Variants in CDKL5 observed in about 807,000 individuals in gnomAD.
The protein encoded by CDKL5 is cyclin dependent kinase like 5.
CDKL5 carries 8 observed loss-of-function variants against 61.7 expected under a neutral mutation model. That is an observed-to-expected ratio of 0.13 (90% CI 0.08 to 0.23). CDKL5 has a LOEUF of 0.23. CDKL5 is among the 10% of genes least tolerant of loss of function. The pLI is 1.00. For synonymous variants in CDKL5, 275 were observed against 272.3 expected (o/e 1.01, Z -0.10); for missense variants, 440 against 734.5 (o/e 0.60, Z 4.63).
At chrX:18,474,144 G>A (rs1026600314) in intron 1 of CDKL5, among the ~76,000 whole-genome samples, 1 of 111,160 alleles carries the variant, frequency 9.0e-6, no homozygotes, top group Admixed American at 9.6e-5. Context: ...AGGATGACAG[G>A]CCTGAGCCAC....
chrX:18,431,255 AAACTT>A (rs1401882528), intron 1 of CDKL5, among the ~76,000 whole-genome samples: 1 of 111,640 alleles, frequency 9.0e-6, no homozygotes, highest in East Asian at 2.8e-4. Flanking sequence ...GGAAAAAAGA[AAACTT>A]AACATCTTTT....
chrX:18,495,261 G>A (rs1922128550), intron 1 of CDKL5, among the ~76,000 whole-genome samples: 1 of 112,230 alleles, frequency 8.9e-6, no homozygotes, highest in Non-Finnish European at 1.9e-5. Context: ...GAAAAGACCC[G>A]TTGAGATGAA....
chrX:18,594,292 A>T (rs1352924526), intron 9 of CDKL5, among the ~76,000 whole-genome samples: 1 of 112,176 alleles, frequency 8.9e-6, no homozygotes, highest in East Asian at 2.8e-4. Flanking sequence ...CAATACTTTA[A>T]CATCCACTAG....
At chrX:18,497,911 A>G (rs1292757352) in intron 1 of CDKL5, among the ~76,000 whole-genome samples, 2 of 107,807 alleles carry the variant, frequency 1.9e-5, no homozygotes, top group Non-Finnish European at 3.8e-5. Context: ...GTGATCACCT[A>G]GGCTCAAGGA....
intron 5 of CDKL5, among the ~76,000 whole-genome samples, chrX:18,577,407 G>A (rs1047553778): frequency 1.8e-4 from 20 of 111,962 alleles, no homozygotes; most frequent in African/African-American, 5.2e-4. Context: ...GTGGCAGTGC[G>A]TCATAATTGA....
At chrX:18,577,836 T>G (rs1925349967) in intron 5 of CDKL5, among the ~76,000 whole-genome samples, 1 of 112,476 alleles carries the variant, frequency 8.9e-6, no homozygotes, top group Admixed American at 9.4e-5. Flanking sequence ...TTACAAAGCC[T>G]TCTTATTCCA....
At chrX:18,567,885 C>CA (rs1925020062) in intron 4 of CDKL5, among the ~76,000 whole-genome samples, 1 of 110,647 alleles carries the variant, frequency 9.0e-6, no homozygotes, top group Admixed American at 9.6e-5. Context: ...ACTCTGTCTC[C>CA]AAAAAAAGGC....
chrX:18,552,316 T>C (rs936273300), intron 3 of CDKL5, among the ~76,000 whole-genome samples: 3 of 110,665 alleles, frequency 2.7e-5, no homozygotes, highest in Non-Finnish European at 5.7e-5. Context: ...TCTTGGCTGG[T>C]TGGTTTTTCC....
At chrX:18,581,534 A>G (rs1925481198) in intron 6 of CDKL5, among the ~76,000 whole-genome samples, 1 of 111,878 alleles carries the variant, frequency 8.9e-6, no homozygotes, top group Non-Finnish European at 1.9e-5. Context: ...AACATTTTAT[A>G]TTTCTATCTC....
At chrX:18,479,945 A>G (rs1217713992) in intron 1 of CDKL5, among the ~76,000 whole-genome samples, 1 of 112,115 alleles carries the variant, frequency 8.9e-6, no homozygotes, top group African/African-American at 3.2e-5. Flanking sequence ...TTACAGAAAC[A>G]TTGCAAAGAT....
At chrX:18,475,997 G>A (rs1921295242) in intron 1 of CDKL5, among the ~76,000 whole-genome samples, 1 of 111,601 alleles carries the variant, frequency 9.0e-6, no homozygotes, top group African/African-American at 3.2e-5. Context: ...ATATTGATCA[G>A]ACCTTGAAAT....
At chrX:18,584,126 TAATA>T in intron 7 of CDKL5, 133 bp from the exon 8 acceptor site, 1 of 512,440 alleles carries the variant, frequency 2.0e-6, no homozygotes, top group Non-Finnish European at 3.5e-6. Context: ...AGGATATTAT[TAATA>T]AATAGCCCAT....
rs760996720 is a variant in CDKL5 at position 18,596,354 on chromosome X, G to A, written c.825+926G>A. 1.2e-3 allele frequency among the ~76,000 whole-genome samples: 134 copies of A among 110,968 alleles called. 1 individual carries two copies. Among genetic ancestry groups the A allele is most frequent in the African/African-American group, 4.1e-3 (126 of 30,530 alleles). ...TGGAGGTGGGGGAGGAGGGTGTGAC[G>A]TTTCGGAAAGGCCACATACCATACA... is the stretch of plus-strand genomic sequence containing the variant. On this transcript the variant is annotated intron_variant, in intron 10 of 17. Transcript: ENST00000623535.
chrX:18,463,191 G>T (rs1226820700), intron 1 of CDKL5, among the ~76,000 whole-genome samples: 3 of 109,202 alleles, frequency 2.7e-5, no homozygotes, highest in African/African-American at 1.0e-4. Flanking sequence ...CTGAACCTGG[G>T]TGTTGAGAGG....
chrX:18,485,977 C>A (rs770617067), intron 1 of CDKL5, among the ~76,000 whole-genome samples: 2 of 111,478 alleles, frequency 1.8e-5, no homozygotes, highest in Non-Finnish European at 3.8e-5. Context: ...CTACCTTTCT[C>A]AAAAAGCCCC....
intron 7 of CDKL5, 58 bp downstream of exon 7, chrX:18,582,008 A>G (rs946528987): frequency 1.2e-6 from 1 of 815,992 alleles, no homozygotes; most frequent in African/African-American, 2.0e-5. Flanking sequence ...TGTAACACAT[A>G]GGTAGCTTTT....
At chrX:18,469,129 A>C (rs1037211514) in intron 1 of CDKL5, among the ~76,000 whole-genome samples, 1 of 106,724 alleles carries the variant, frequency 9.4e-6, no homozygotes, top group African/African-American at 3.4e-5. Flanking sequence ...ATTGGAGGTC[A>C]GGAGTTACAG....
In CDKL5 at chrX:18,431,725, C is replaced by T. The variant is rs1257947009; in HGVS notation, c.-163+6030C>T. 3.6e-5 allele frequency among the ~76,000 whole-genome samples: 4 copies of T among 110,719 alleles called. No homozygotes were observed. The East Asian group carries it at 8.5e-4, about 23-fold the overall frequency. Reference sequence around the variant, plus strand: ...CAAAATTTTGTTGATTTCTTTATAACGTAATGGAGGTGTACTTTACATACC... The same window carrying T: ...CAAAATTTTGTTGATTTCTTTATAATGTAATGGAGGTGTACTTTACATACC... On this transcript the variant is annotated intron_variant, in intron 1 of 17. Coordinates refer to ENST00000623535, the MANE Select transcript of CDKL5 (RefSeq NM_001323289.2).
At chrX:18,441,251 A>G (rs1190377615) in intron 1 of CDKL5, among the ~76,000 whole-genome samples, 1 of 111,082 alleles carries the variant, frequency 9.0e-6, no homozygotes, top group East Asian at 2.9e-4. Flanking sequence ...CACCGTCTCT[A>G]TCAAAAATAC....
Sources: gnomAD v4.1 joint callset for allele counts (sites outside exome capture counted in the v4.1 genomes callset) on GRCh38, gnomAD v4.1.1 for gene constraint, MANE v1.5 for transcripts, NCBI Gene and HGNC (gene_info 2026-07-23, HGNC 2026-07-21) for gene names.